MREG: variants seen among roughly 807,000 people sequenced by gnomAD.
MREG encodes the protein dilute suppressor protein homolog.
Under a neutral mutation model 28.5 loss-of-function variants are expected in MREG, and 31 were observed. That is an observed-to-expected ratio of 1.09 (90% CI 0.82 to 1.47). MREG has a LOEUF of 1.47. Ranked by LOEUF, MREG falls within the 40% of genes most tolerant of loss-of-function variation. The pLI, the probability that MREG is intolerant of heterozygous loss-of-function variation, is 0.00. For missense variants in MREG, 256 were observed against 257.4 expected (o/e 0.99, Z 0.04); for synonymous variants, 106 against 95.2 (o/e 1.11, Z -0.66).
chr2:215,979,977 A>T (rs1453003347), intron 2 of MREG, among the ~76,000 whole-genome samples: 1 of 36,330 alleles, frequency 2.8e-5, no homozygotes, highest in Non-Finnish European at 5.9e-5. Context: ...AAACAAACAA[A>T]CAAAAAAAAA....
chr2:216,011,828 T>C (rs1694319058), intron 1 of MREG, among the ~76,000 whole-genome samples: 2 of 152,250 alleles, frequency 1.3e-5, no homozygotes, highest in Admixed American at 6.5e-5. Flanking sequence ...CTGTATTTCA[T>C]GTTACTAAGA....
At chr2:216,031,509 A>C (rs574280660) in intron 1 of MREG, among the ~76,000 whole-genome samples, 1 of 127,676 alleles carries the variant, frequency 7.8e-6, no homozygotes, top group East Asian at 2.4e-4. Flanking sequence ...GAAAGAGAGA[A>C]AGGAAGGAAG....
intron 2 of MREG, among the ~76,000 whole-genome samples, chr2:215,983,945 TGAAA>T (rs1693496656): frequency 6.6e-6 from 1 of 152,228 alleles, no homozygotes; most frequent in Admixed American, 6.5e-5. Context: ...AAACAGTACT[TGAAA>T]GAGTTTATGA....
intron 1 of MREG, among the ~76,000 whole-genome samples, chr2:215,999,427 G>A (rs978942227): frequency 1.3e-5 from 2 of 152,124 alleles, no homozygotes; most frequent in Admixed American, 1.3e-4. Flanking sequence ...GGGGCCTTGG[G>A]ACCACAGTGG....
At chr2:215,951,022 T>C (rs1692468388) in intron 2 of MREG, among the ~76,000 whole-genome samples, 1 of 152,098 alleles carries the variant, frequency 6.6e-6, no homozygotes, top group South Asian at 2.1e-4. Context: ...TCTTTCTCTC[T>C]CTCTCTCTCC....
intron 2 of MREG, among the ~76,000 whole-genome samples, chr2:215,966,099 C>G (rs1031634687): frequency 1.3e-5 from 2 of 151,998 alleles, no homozygotes; most frequent in African/African-American, 4.8e-5. Flanking sequence ...CACTGTACAC[C>G]TTACTTAGAC....
chr2:216,031,137 T>G (rs1694682434), intron 1 of MREG, among the ~76,000 whole-genome samples: 1 of 148,114 alleles, frequency 6.8e-6, no homozygotes, highest in South Asian at 2.2e-4. Context: ...CCAGACATGG[T>G]GGTTCACGCC....
chr2:215,989,954 C>T (rs533934770), intron 2 of MREG, among the ~76,000 whole-genome samples: 1 of 152,170 alleles, frequency 6.6e-6, no homozygotes, highest in South Asian at 2.1e-4. Flanking sequence ...AGAGTGGAAC[C>T]AAGTTGGAAA....
At chr2:216,027,830 C>A (rs1694618902) in intron 1 of MREG, among the ~76,000 whole-genome samples, 1 of 152,006 alleles carries the variant, frequency 6.6e-6, no homozygotes, top group South Asian at 2.1e-4. Context: ...TCCCTTCCCC[C>A]ACCCTCTGTG....
chr2:215,957,266 A>C (rs1692649994), intron 2 of MREG, among the ~76,000 whole-genome samples: 1 of 152,222 alleles, frequency 6.6e-6, no homozygotes, highest in Non-Finnish European at 1.5e-5. Flanking sequence ...AGGATTCCCC[A>C]CATCCAGCAC....
intron 1 of MREG, among the ~76,000 whole-genome samples, chr2:216,009,755 C>T (rs1390457146): frequency 2.0e-5 from 3 of 152,086 alleles, no homozygotes; most frequent in East Asian, 3.9e-4. Context: ...AGCCTGGTCT[C>T]GAACTCCTGA....
chr2:215,986,667 C>T (rs538801031), intron 2 of MREG, among the ~76,000 whole-genome samples: 1 of 152,286 alleles, frequency 6.6e-6, no homozygotes, highest in African/African-American at 2.4e-5. Flanking sequence ...ATTCTGTTCT[C>T]GAAGTCTCAC....
rs542703666 is a variant in MREG, at chr2:215,943,916, A to G, written c.*947T>C. Among the ~76,000 whole-genome samples the G allele has an allele frequency of 6.8e-6, 1 of 148,102 alleles. No individual in the cohort carries two copies. The highest frequency in any genetic ancestry group is 2.1e-4 in the South Asian group (1 of 4,654). On this transcript the variant is annotated 3_prime_UTR_variant, in exon 5 of 5. Coordinates refer to ENST00000263268, the MANE Select transcript of MREG (RefSeq NM_018000.3). The stretch of plus-strand genomic sequence containing the variant: ...CAATATACAAAGATGAGAGAACCAG[A>G]TATCAATAATGTTGGGAATTTAAAA...
chr2:215,961,694 G>A (rs1286676335), intron 2 of MREG, among the ~76,000 whole-genome samples: 1 of 151,904 alleles, frequency 6.6e-6, no homozygotes, highest in Non-Finnish European at 1.5e-5. Flanking sequence ...CCCAAAGTGC[G>A]GGGATTACAG....
chr2:216,007,623 T>C (rs1220523876), intron 1 of MREG, among the ~76,000 whole-genome samples: 1 of 151,820 alleles, frequency 6.6e-6, no homozygotes, highest in African/African-American at 2.4e-5. Context: ...AGAGATGGGG[T>C]TTCACCACGT....
intron 2 of MREG, among the ~76,000 whole-genome samples, chr2:215,959,923 C>T (rs868245403): frequency 1.2e-4 from 18 of 151,856 alleles, no homozygotes; most frequent in Middle Eastern, 3.2e-3. Flanking sequence ...AGTTCCTTTA[C>T]GAAAATTGTT....
At chr2:215,990,799 G>T (rs972292167) in intron 2 of MREG, among the ~76,000 whole-genome samples, 1 of 152,144 alleles carries the variant, frequency 6.6e-6, no homozygotes, top group African/African-American at 2.4e-5. Flanking sequence ...AGACGAAGAA[G>T]GGCATTACAT....
At chr2:215,945,464 A>G (rs1692294604) in intron 4 of MREG, 107 bp downstream of exon 4, 2 of 1,334,362 alleles carry the variant, frequency 1.5e-6, no homozygotes. Context: ...CTGCCACCTC[A>G]TATGTGATAG....
intron 2 of MREG, among the ~76,000 whole-genome samples, chr2:215,974,850 A>T (rs866319312): frequency 1.2e-3 from 166 of 132,994 alleles, no homozygotes; most frequent in South Asian, 8.4e-3. Context: ...ACACACACAC[A>T]CACTCTCTCT....
Sources: gnomAD v4.1 joint callset for allele counts (sites outside exome capture counted in the v4.1 genomes callset) on GRCh38, gnomAD v4.1.1 for gene constraint, MANE v1.5 for transcripts, NCBI Gene and HGNC (gene_info 2026-07-23, HGNC 2026-07-21) for gene names.